The following CDK9 variants were observed in gnomAD, a reference collection of about 807,000 sequenced individuals.
The protein encoded by CDK9 is cyclin dependent kinase 9.
A neutral mutation model predicts 39.0 loss-of-function variants in CDK9; 34 were observed. That is an observed-to-expected ratio of 0.87 (90% CI 0.66 to 1.16). The LOEUF is 1.16. Among genes scored for constraint, CDK9 ranks in the 50% most tolerant of loss-of-function variants. CDK9 has a pLI of 0.00. For missense variants in CDK9, 369 were observed against 503.2 expected, an observed-to-expected ratio of 0.73 and a Z score of 2.55; for synonymous variants, 233 against 196.2, an observed-to-expected ratio of 1.19 and a Z score of -1.57.
chr9:127,789,548 C>T lies in CDK9; in HGVS notation c.*5C>T, dbSNP rs563333929. On this transcript the variant is annotated 3_prime_UTR_variant, in exon 7 of 7. Transcript: ENST00000373264. The surrounding 1 kb of genome is among the most constrained non-coding windows in gnomAD (Gnocchi z 5.2). Reference sequence around the variant, plus strand: ...GAGTTTGAGCGCGTCTTCTGAGGGCCGGCGCTTGCCACTAGGGCTCTTGTG... The same window carrying T: ...GAGTTTGAGCGCGTCTTCTGAGGGCTGGCGCTTGCCACTAGGGCTCTTGTG... 7.3e-5 allele frequency: 118 copies of T among 1,611,872 alleles called. 1 individual carries two copies. Among genetic ancestry groups the T allele is most frequent in the Non-Finnish European group, 9.0e-5 (106 of 1,178,718 alleles).
chr9:127,788,708 C>T lies in CDK9; in HGVS notation c.753+16C>T, dbSNP rs765527912. The T allele has an allele frequency of 1.3e-6, 2 of 1,577,170 alleles. No individual in the cohort carries two copies. Among genetic ancestry groups the T allele is most frequent in the Non-Finnish European group, 1.7e-6 (2 of 1,161,290 alleles). ...CACCCCTGAGGTACGGGGCCCCGGT[C>T]CCCACGGGGTGCAGAGATCGAGGTC... On this transcript the variant is annotated intron_variant, in intron 6 of 6. Coordinates refer to ENST00000373264, the MANE Select transcript of CDK9 (RefSeq NM_001261.4).
chr9:127,788,643 A>G lies in CDK9; in HGVS notation c.704A>G (p.Gln235Arg), dbSNP rs1564433307. The change falls in exon 6 of 7, where the codon CAG (glutamine) becomes CGG (arginine). Residue 235 changes from glutamine (Q) to arginine (R), a missense_variant. Gln to Arg is a conservative substitution (Grantham distance 43, BLOSUM62 1). Transcript: ENST00000373264. Reference protein sequence around the residue: ...RSPIMQGNTEQHQLALISQLC... With the variant: ...RSPIMQGNTERHQLALISQLC... The stretch of plus-strand genomic sequence containing the variant: ...CCCATCATGCAGGGCAACACGGAGC[A>G]GCACCAACTCGCCCTCATCAGTCAG... 9 of 1,612,092 alleles carry G rather than the reference A, an allele frequency of 5.6e-6. No individual in the cohort carries two copies. Among genetic ancestry groups the G allele is most frequent in the Non-Finnish European group, 7.6e-6 (9 of 1,179,366 alleles).
At position 127,788,311 on chromosome 9, in the gene CDK9, C is replaced by T; in HGVS notation, c.530C>T (p.Ala177Val). The change falls in exon 5 of 7, where the codon GCC (alanine) becomes GTC (valine). Residue 177 changes from alanine (A) to valine (V), a missense_variant. Physicochemically the swap from Ala to Val is moderately conservative, Grantham distance 64. Transcript: ENST00000373264. ...DFGLARAFSL[A>V]KNSQPNRYTN... Reference sequence around the variant, plus strand: ...GGGCTGGCCCGGGCCTTCAGCCTGGCCAAGAACAGCCAGCCCAACCGCTAC... The same window carrying T: ...GGGCTGGCCCGGGCCTTCAGCCTGGTCAAGAACAGCCAGCCCAACCGCTAC... The T allele has an allele frequency of 3.7e-6, 6 of 1,612,880 alleles. No homozygotes were observed. Among genetic ancestry groups the T allele is most frequent in the Non-Finnish European group, 5.1e-6 (6 of 1,179,942 alleles).
intron 1 of CDK9, 72 bp from the exon 2 acceptor site, chr9:127,786,629 C>T: frequency 1.5e-6 from 2 of 1,356,020 alleles, no homozygotes; most frequent in Non-Finnish European, 2.1e-6. Context: ...TGCCCCTCCT[C>T]CTGTAGTGGG....
intron 5 of CDK9, 68 bp from the exon 6 acceptor site, chr9:127,788,476 C>T: frequency 6.5e-7 from 1 of 1,533,676 alleles, no homozygotes; most frequent in Admixed American, 2.1e-5. Flanking sequence ...GAGCTGCCGG[C>T]CCTGGGGCAT....
In CDK9 at chr9:127,789,629, A is replaced by C; in HGVS notation, c.*86A>C. 1 of 1,501,438 alleles carries C rather than the reference A, an allele frequency of 6.7e-7. No individual in the cohort carries two copies. The highest frequency in any genetic ancestry group is 9.0e-7 in the Non-Finnish European group (1 of 1,115,730). 93.0% of individuals were successfully genotyped at this position (1,501,438 alleles called of 1,614,324 possible). ...GTGGAGACAGGGCATTTGAGTTTAT[A>C]TCTCTCATGCATATTTTATTTAATC... On this transcript the variant is annotated 3_prime_UTR_variant, in exon 7 of 7. Transcript: ENST00000373264. This position sits in a 1 kb window ranked among gnomAD's most constrained non-coding sequence, Gnocchi z 5.2.
rs201862836 is a variant in CDK9, at chr9:127,786,693, G to C, written c.93-8G>C. ...GATGAGTTCTCGGGTCTCCCTTTCC[G>C]CCTGCAGGGAGGTGTTCAAGGCCAG... On this transcript the variant is annotated splice_region_variant and splice_polypyrimidine_tract_variant and intron_variant, in intron 1 of 6. Coordinates refer to ENST00000373264, the MANE Select transcript of CDK9 (RefSeq NM_001261.4). The C allele has an allele frequency of 1.9e-6, 3 of 1,612,992 alleles. No homozygotes were observed. The highest frequency in any genetic ancestry group is 2.5e-6 in the Non-Finnish European group (3 of 1,179,606).
chr9:127,787,658 T>C (rs368835466), intron 3 of CDK9, 50 bp downstream of exon 3: 5 of 1,416,250 alleles, frequency 3.5e-6, no homozygotes, highest in Non-Finnish European at 5.0e-6. Flanking sequence ...CCTAAGGTTT[T>C]GTTTGTAAAC....
chr9:127,789,667 T>C lies in CDK9; in HGVS notation c.*124T>C. ...ATTTTATTTAATCCCCACCCTGGGCTCTGGGAGCAGCCCGCTGAGTGGACT... is the reference window on the plus strand; with the variant it reads ...ATTTTATTTAATCCCCACCCTGGGCCCTGGGAGCAGCCCGCTGAGTGGACT... On this transcript the variant is annotated 3_prime_UTR_variant, in exon 7 of 7. Coordinates refer to ENST00000373264, the MANE Select transcript of CDK9 (RefSeq NM_001261.4). The surrounding 1 kb of genome is among the most constrained non-coding windows in gnomAD (Gnocchi z 5.2). The C allele has an allele frequency of 2.3e-6, 3 of 1,300,350 alleles. No homozygotes were observed. Among genetic ancestry groups the C allele is most frequent in the South Asian group, 1.5e-5 (1 of 67,738 alleles). 80.6% of individuals were successfully genotyped at this position (1,300,350 alleles called of 1,614,324 possible).
At chr9:127,788,137 G>T in intron 4 of CDK9, 24 bp downstream of exon 4, 3 of 1,613,994 alleles carry the variant, frequency 1.9e-6, no homozygotes, top group Non-Finnish European at 2.5e-6. Context: ...CTGGGAGGAG[G>T]ACCCAGGCTT....
Position 127,787,813 on chromosome 9 carries a change from TGAAG to T in CDK9, c.266-126_266-123del, listed in dbSNP as rs1829357735. ...AGGCACTCAGAAAATATTTGACCGG[TGAAG>T]GAAGGAACAGACAGATGCTCTGGAG... On this transcript the variant is annotated intron_variant, in intron 3 of 6. Coordinates refer to ENST00000373264, the MANE Select transcript of CDK9 (RefSeq NM_001261.4). 8 of 1,014,584 alleles carry T rather than the reference TGAAG, an allele frequency of 7.9e-6. No individual in the cohort carries two copies. The South Asian group carries it at 1.0e-4, about 13-fold the overall frequency. 62.8% of individuals were successfully genotyped at this position (1,014,584 alleles called of 1,614,324 possible). A position where few individuals can be genotyped will look rare whatever the true frequency, so the allele number is the denominator to read the frequency against.
intron 1 of CDK9, 109 bp from the exon 2 acceptor site, chr9:127,786,592 A>AGCCCC (rs1829325080): frequency 2.0e-6 from 2 of 1,009,368 alleles, no homozygotes; most frequent in Non-Finnish European, 2.9e-6. Context: ...TACCTAGCCC[A>AGCCCC]GCCCCGCCCG....
chr9:127,786,427 C>A (rs1432437434), intron 1 of CDK9, among the ~76,000 whole-genome samples, 187 bp downstream of exon 1: 1 of 152,042 alleles, frequency 6.6e-6, no homozygotes, highest in African/African-American at 2.4e-5. Flanking sequence ...GCCTGAGGCC[C>A]GTGGTGGGGG....
In CDK9 at chr9:127,788,774, C is replaced by G; in HGVS notation, c.753+82C>G. On this transcript the variant is annotated intron_variant, in intron 6 of 6. Coordinates refer to ENST00000373264, the MANE Select transcript of CDK9 (RefSeq NM_001261.4). ...AGTGGGGAGTAGAATGGAAGGAGCG[C>G]TCCTCTCTGGAAGGGAGGCTGGTTT... 3 of 1,386,216 alleles carry G rather than the reference C, an allele frequency of 2.2e-6. No homozygotes were observed. The South Asian group carries it at 4.5e-5, about 21-fold the overall frequency. 85.9% of individuals were successfully genotyped at this position (1,386,216 alleles called of 1,614,324 possible).
intron 2 of CDK9, 126 bp downstream of exon 2, chr9:127,786,908 C>T (rs1829334496): frequency 5.5e-6 from 4 of 726,430 alleles, no homozygotes; most frequent in South Asian, 1.8e-5. Context: ...TCAGAAATTT[C>T]CAGGGAATGT....
At chr9:127,787,287 C>T (rs960129285) in intron 2 of CDK9, among the ~76,000 whole-genome samples, 1 of 152,084 alleles carries the variant, frequency 6.6e-6, no homozygotes. Flanking sequence ...CTGAAACCGC[C>T]GAGCGTTTAG....
chr9:127,788,011 T>C lies in CDK9; in HGVS notation c.330T>C (p.Leu110=), dbSNP rs1055958389. Residue 110 remains leucine (L), a synonymous_variant, in exon 4 of 7, where the codon CTT becomes CTC. Coordinates refer to ENST00000373264, the MANE Select transcript of CDK9 (RefSeq NM_001261.4). ...YLVFDFCEHD[L]AGLLSNVLVK... ...TGTTCGACTTCTGCGAGCATGACCT[T>C]GCTGGGCTGTTGAGCAATGTTTTGG... 4 of 1,614,080 alleles carry C rather than the reference T, an allele frequency of 2.5e-6. No homozygotes were observed. In the Admixed American group the frequency reaches 5.0e-5, roughly 20 times the overall value.
rs1418145161 is a variant in CDK9, at chr9:127,788,545, G to A, written c.606G>A (p.Gly202=). 6.4e-7 allele frequency: 1 copy of A among 1,561,566 alleles called. No individual in the cohort carries two copies. The highest frequency in any genetic ancestry group is 1.2e-5 in the South Asian group (1 of 85,068). The change falls in exon 6 of 7, where the codon GGG becomes GGA. Residue 202 remains glycine (G), a splice_region_variant and synonymous_variant. Transcript: ENST00000373264. ...CTCCTGGTGCGCTCTTCTTCCCAGG[G>A]GAGCGGGACTACGGCCCCCCCATTG... ...LWYRPPELLL[G]ERDYGPPIDL...
chr9:127,788,904 A>G (rs1341682838), intron 6 of CDK9, among the ~76,000 whole-genome samples: 1 of 152,172 alleles, frequency 6.6e-6, no homozygotes, highest in Admixed American at 6.5e-5. Context: ...GGCCTTGGGC[A>G]GAACATCTGA....
Sources: gnomAD v4.1 joint callset for allele counts (sites outside exome capture counted in the v4.1 genomes callset) on GRCh38, gnomAD v4.1.1 for gene constraint, Gnocchi (gnomAD v3.1) non-coding constraint, MANE v1.5 for transcripts, NCBI Gene and HGNC (gene_info 2026-07-23, HGNC 2026-07-21) for gene names.